ALK: variants seen among roughly 807,000 people sequenced by gnomAD.
ALK encodes ALK tyrosine kinase receptor.
In ALK, 74 loss-of-function variants were observed where a neutral mutation model predicts 163.1. That is an observed-to-expected ratio of 0.45 (90% CI 0.38 to 0.55). The LOEUF (loss-of-function observed/expected upper bound fraction) is 0.55, where lower values mean the gene tolerates loss of function less well. Among genes scored for constraint, ALK ranks in the 20% least tolerant of loss-of-function variants. The pLI, the probability that ALK is intolerant of heterozygous loss-of-function variation, is 0.00. For missense variants in ALK, 2,063 were observed against 2,105.3 expected (o/e 0.98, Z 0.39); for synonymous variants, 960 against 843.2 (o/e 1.14, Z -2.40).
chr2:29,306,604 G>A (rs1366312549), intron 8 of ALK, among the ~76,000 whole-genome samples: 1 of 152,174 alleles, frequency 6.6e-6, no homozygotes, highest in Non-Finnish European at 1.5e-5. Flanking sequence ...GGGAGCTAGT[G>A]AATTTTAATG....
intron 1 of ALK, among the ~76,000 whole-genome samples, chr2:29,846,374 C>T (rs1453132803): frequency 6.6e-6 from 1 of 152,216 alleles, no homozygotes; most frequent in African/African-American, 2.4e-5. Flanking sequence ...CTTCACAATA[C>T]TCATCACTAT....
At chr2:29,778,018 C>A (rs1681226550) in intron 1 of ALK, among the ~76,000 whole-genome samples, 1 of 152,224 alleles carries the variant, frequency 6.6e-6, no homozygotes, top group African/African-American at 2.4e-5. Context: ...CAGGGGGACA[C>A]CTCAGCTCCA....
intron 4 of ALK, among the ~76,000 whole-genome samples, chr2:29,491,996 A>C (rs969524912): frequency 6.6e-6 from 1 of 152,250 alleles, no homozygotes; most frequent in African/African-American, 2.4e-5. Flanking sequence ...TCTAATACTT[A>C]TAAATTGCAC....
At chr2:29,879,226 T>C (rs1666797077) in intron 1 of ALK, among the ~76,000 whole-genome samples, 1 of 152,208 alleles carries the variant, frequency 6.6e-6, no homozygotes, top group Non-Finnish European at 1.5e-5. Context: ...AGCAGTTTTC[T>C]TGGATTCTAA....
In ALK at chr2:29,785,936, C is replaced by T. The variant is rs1043797586; in HGVS notation, c.668-68239G>A. 2.7e-5 allele frequency among the ~76,000 whole-genome samples: 4 copies of T among 148,842 alleles called. No individual in the cohort carries two copies. In the South Asian group the frequency reaches 8.5e-4, roughly 32 times the overall value. On this transcript the variant is annotated intron_variant, in intron 1 of 28. Coordinates refer to ENST00000389048, the MANE Select transcript of ALK (RefSeq NM_004304.5). ...ATACACACACACACACACACACACA[C>T]ACACACACACACACACACACACATT...
chr2:29,464,353 A>C (rs1361406776), intron 4 of ALK, among the ~76,000 whole-genome samples: 1 of 152,314 alleles, frequency 6.6e-6, no homozygotes, highest in Admixed American at 6.5e-5. Flanking sequence ...AAAGAACTGG[A>C]GTATAAATAT....
intron 3 of ALK, among the ~76,000 whole-genome samples, chr2:29,668,908 C>T (rs1270510888): frequency 1.3e-5 from 2 of 151,998 alleles, no homozygotes; most frequent in African/African-American, 2.4e-5. Context: ...AGGGGAACTC[C>T]CCTTTACGCT....
chr2:29,634,536 T>C (rs749288626), intron 3 of ALK, among the ~76,000 whole-genome samples: 7 of 152,136 alleles, frequency 4.6e-5, no homozygotes, highest in Non-Finnish European at 1.0e-4. Context: ...CACATGATAA[T>C]ATCAATTCAT....
intron 4 of ALK, among the ~76,000 whole-genome samples, chr2:29,388,802 G>C (rs760663639): frequency 6.6e-6 from 1 of 152,206 alleles, no homozygotes; most frequent in Non-Finnish European, 1.5e-5. Context: ...GAAAGGTATT[G>C]CAATTTATGA....
Position 29,920,146 on chromosome 2 carries a change from C to T in ALK, c.514G>A (p.Glu172Lys), listed in dbSNP as rs1667950677. The stretch of plus-strand genomic sequence containing the variant: ...TGGCGAATCCACCAACTGAACAGCT[C>T]GCTGAGATTGAACTGGAGCAGCCCC... ...AVGLLQFNLS[E>K]LFSWWIRQGE... The change falls in exon 1 of 29, where the codon GAG (glutamate) becomes AAG (lysine). Residue 172 changes from glutamate (E) to lysine (K), a missense_variant. By Grantham distance (56) the Glu-to-Lys change is moderately conservative (BLOSUM62 1). Transcript: ENST00000389048. 6.2e-7 allele frequency: 1 copy of T among 1,613,764 alleles called. No individual in the cohort carries two copies. Among genetic ancestry groups the T allele is most frequent in the Admixed American group, 1.7e-5 (1 of 60,016 alleles).
At chr2:29,253,346 C>T (rs1664871278) in intron 11 of ALK, among the ~76,000 whole-genome samples, 1 of 152,164 alleles carries the variant, frequency 6.6e-6, no homozygotes, top group Non-Finnish European at 1.5e-5. Context: ...AGCATGAACA[C>T]CAGGGTTTGG....
At chr2:29,494,141 G>C (rs926160436) in intron 4 of ALK, among the ~76,000 whole-genome samples, 1 of 152,156 alleles carries the variant, frequency 6.6e-6, no homozygotes, top group African/African-American at 2.4e-5. Flanking sequence ...GTGATGGGTG[G>C]CTTAGATGAG....
In ALK at chr2:29,283,409, G is replaced by A. The variant is rs143231231; in HGVS notation, c.1818-7913C>T. Among the ~76,000 whole-genome samples the A allele has an allele frequency of 1.8e-3, 281 of 151,940 alleles. 1 individual carries two copies. Among genetic ancestry groups the A allele is most frequent in the African/African-American group, 6.5e-3 (268 of 41,512 alleles). ...GGAGGGACAGGGATGTCTGCTCCCC[G>A]TTTCTTGGAACACACAAACATTTCC... On this transcript the variant is annotated intron_variant, in intron 9 of 28. Coordinates refer to ENST00000389048, the MANE Select transcript of ALK (RefSeq NM_004304.5).
At chr2:29,526,988 G>A (rs2148153728) in intron 4 of ALK, among the ~76,000 whole-genome samples, 1 of 152,320 alleles carries the variant, frequency 6.6e-6, no homozygotes, top group African/African-American at 2.4e-5. Context: ...TTTGTCCAGG[G>A]AGCAGGAGTC....
chr2:29,705,787 G>A (rs1678892352), intron 2 of ALK, among the ~76,000 whole-genome samples: 1 of 152,218 alleles, frequency 6.6e-6, no homozygotes, highest in African/African-American at 2.4e-5. Context: ...TGAGTGCCCT[G>A]CATGGTGACT....
chr2:29,843,889 AG>A (rs953929835), intron 1 of ALK, among the ~76,000 whole-genome samples: 2 of 152,296 alleles, frequency 1.3e-5, no homozygotes, highest in Admixed American at 6.5e-5. Context: ...TAGGCACCAA[AG>A]ATCCAGCACC....
chr2:29,484,989 G>A (rs866741838), intron 4 of ALK, among the ~76,000 whole-genome samples: 2 of 151,980 alleles, frequency 1.3e-5, no homozygotes, highest in Non-Finnish European at 2.9e-5. Flanking sequence ...ATAATCTAAA[G>A]TTTCACTATA....
intron 3 of ALK, among the ~76,000 whole-genome samples, chr2:29,632,961 C>T (rs1394576177): frequency 6.6e-6 from 1 of 152,216 alleles, no homozygotes; most frequent in East Asian, 1.9e-4. Context: ...CCTCCCACAA[C>T]ACCTGGGAAT....
chr2:29,247,719 T>C (rs982229318), intron 12 of ALK, among the ~76,000 whole-genome samples: 1 of 152,100 alleles, frequency 6.6e-6, no homozygotes, highest in African/African-American at 2.4e-5. Flanking sequence ...AGTTGGGGCT[T>C]GGTAGCATTC....
Sources: allele counts gnomAD v4.1 joint callset (sites outside exome capture counted in the v4.1 genomes callset), GRCh38; gene constraint gnomAD v4.1.1; transcripts MANE v1.5; gene names NCBI Gene and HGNC (gene_info 2026-07-23, HGNC 2026-07-21).